Variants in EMSY observed in about 807,000 individuals in gnomAD.
The protein encoded by EMSY is EMSY transcriptional repressor, BRCA2 interacting.
Under a neutral mutation model 134.6 loss-of-function variants are expected in EMSY, and 26 were observed. The observed-to-expected ratio is 0.19, with a 90% CI of 0.14 to 0.27. The LOEUF is 0.27. Ranked by LOEUF, EMSY falls within the 10% of genes least tolerant of loss-of-function variation. The pLI is 1.00. For synonymous variants in EMSY, 579 were observed against 577.8 expected, an observed-to-expected ratio of 1.00 and a Z score of -0.03; for missense variants, 1,305 against 1,611.4, an observed-to-expected ratio of 0.81 and a Z score of 3.26.
At position 76,523,704 on chromosome 11, in the gene EMSY, C is replaced by CTTTTTTTTTTT. The variant is rs746491659; in HGVS notation, c.1821+424_1821+434dup. On this transcript the variant is annotated intron_variant, in intron 12 of 20. Coordinates refer to ENST00000334736, the Ensembl canonical transcript of EMSY. ...TTAATTGATGGGGATTTGTTACTTT[C>CTTTTTTTTTTT]TTTTTTTTTTTTTTTTTTTTTCATT... Among the ~76,000 whole-genome samples the CTTTTTTTTTTT allele has an allele frequency of 2.8e-3, 229 of 80,514 alleles. 2 individuals carry two copies. The highest frequency in any genetic ancestry group is 9.1e-3 in the East Asian group (24 of 2,640). The allele number at this position is 80,514 out of a possible 152,430, so 52.8% of individuals were successfully genotyped here.
At chr11:76,465,799 A>G (rs1017592915) in intron 7 of EMSY, among the ~76,000 whole-genome samples, 1 of 152,216 alleles carries the variant, frequency 6.6e-6, no homozygotes, top group Admixed American at 6.5e-5. Context: ...GGCACTAAAA[A>G]GGTGACAGAA....
At chr11:76,495,578 A>G (rs1949619925) in intron 8 of EMSY, among the ~76,000 whole-genome samples, 1 of 152,192 alleles carries the variant, frequency 6.6e-6, no homozygotes, top group South Asian at 2.1e-4. Context: ...AACCTCATAT[A>G]ATCAGAATCT....
chr11:76,452,016 C>A, intron 3 of EMSY, 59 bp downstream of exon 3: 1 of 1,080,008 alleles, frequency 9.3e-7, no homozygotes. Context: ...GATTTTATTA[C>A]TTATCACTCT....
intron 19 of EMSY, 190 bp downstream of exon 20, chr11:76,545,012 T>C: frequency 1.5e-6 from 1 of 658,906 alleles, no homozygotes; most frequent in Non-Finnish European, 2.5e-6. Context: ...CATTAATATG[T>C]AGGAAGAAAA....
chr11:76,527,095 G>A (rs1950871451), intron 13 of EMSY, among the ~76,000 whole-genome samples: 1 of 152,066 alleles, frequency 6.6e-6, no homozygotes, highest in South Asian at 2.1e-4. Context: ...TAGAAGATAA[G>A]GGAACTTTTC....
chr11:76,537,652 G>C (rs895546643), intron 15 of EMSY, 143 bp from the exon 17 acceptor site: 5 of 684,144 alleles, frequency 7.3e-6, no homozygotes, highest in Non-Finnish European at 7.2e-6. Flanking sequence ...ATAGCAATCT[G>C]CTTTTTTCTT....
intron 1 of EMSY, 140 bp from the exon 2 acceptor site, chr11:76,446,760 G>C (rs1010975262): frequency 3.4e-5 from 19 of 553,162 alleles, no homozygotes; most frequent in Non-Finnish European, 4.8e-5. Flanking sequence ...AAGTTGGAAA[G>C]TGTGGTGGTG....
chr11:76,509,207 T>A (rs1446167719), intron 9 of EMSY, among the ~76,000 whole-genome samples: 7 of 152,104 alleles, frequency 4.6e-5, no homozygotes, highest in Non-Finnish European at 7.4e-5. Flanking sequence ...ATAGACTTAC[T>A]CGACGTGGGG....
chr11:76,542,321 C>T, exon 18 of EMSY: 2 of 1,614,140 alleles, frequency 1.2e-6, no homozygotes, highest in Non-Finnish European at 1.7e-6. Context: ...GTGGTGAAGT[C>T]CATCCCAGCA....
chr11:76,546,327 T>C, intron 20 of EMSY, 30 bp downstream of exon 21: 1 of 1,581,894 alleles, frequency 6.3e-7, no homozygotes, highest in South Asian at 1.2e-5. Flanking sequence ...TGAGAAATCT[T>C]GTGCATCTTG....
At chr11:76,463,846 A>G (rs1948239940) in exon 7 of EMSY, 1 of 1,614,104 alleles carries the variant, frequency 6.2e-7, no homozygotes, top group African/African-American at 1.3e-5. Flanking sequence ...ATGAAGATGA[A>G]AAACCCAGAA....
intron 8 of EMSY, among the ~76,000 whole-genome samples, chr11:76,481,472 C>T (rs1042707530): frequency 9.8e-5 from 15 of 152,308 alleles, no homozygotes; most frequent in South Asian, 6.2e-4. Context: ...ACCCCATGGA[C>T]GCCAGCAAGC....
At chr11:76,546,161 G>T (rs751163897) in exon 20 of EMSY, 29 of 1,614,188 alleles carry the variant, frequency 1.8e-5, no homozygotes, top group Non-Finnish European at 2.4e-5. Context: ...TCCTGTTCGA[G>T]TCCATCCACT....
At chr11:76,445,807 G>T (rs1388921456) in intron 1 of EMSY, among the ~76,000 whole-genome samples, 1 of 152,140 alleles carries the variant, frequency 6.6e-6, no homozygotes, top group Non-Finnish European at 1.5e-5. Context: ...GGAGGGAGAG[G>T]ATTCCTTTGG....
intron 16 of EMSY, among the ~76,000 whole-genome samples, chr11:76,539,105 CA>C (rs1951335608): frequency 6.6e-6 from 1 of 152,020 alleles, no homozygotes; most frequent in Admixed American, 6.5e-5. Flanking sequence ...AGAAATAAAA[CA>C]AGATAGATTG....
At chr11:76,461,957 C>T (rs1433011739) in intron 6 of EMSY, among the ~76,000 whole-genome samples, 1 of 150,112 alleles carries the variant, frequency 6.7e-6, no homozygotes, top group Non-Finnish European at 1.5e-5. Flanking sequence ...AAACACCAGG[C>T]CAGGCATGGT....
At chr11:76,506,154 T>C (rs1199682548) in intron 9 of EMSY, among the ~76,000 whole-genome samples, 1 of 151,900 alleles carries the variant, frequency 6.6e-6, no homozygotes, top group Non-Finnish European at 1.5e-5. Flanking sequence ...ATAAAAAATA[T>C]TCCAGGGCAT....
At chr11:76,521,500 T>A (rs766464751) in intron 11 of EMSY, among the ~76,000 whole-genome samples, 5 of 152,172 alleles carry the variant, frequency 3.3e-5, no homozygotes, top group South Asian at 2.1e-4. Flanking sequence ...TGGTGGCTCA[T>A]GCCTGTAATT....
chr11:76,485,184 C>T (rs947648011), intron 8 of EMSY, among the ~76,000 whole-genome samples: 2 of 152,204 alleles, frequency 1.3e-5, no homozygotes, highest in Non-Finnish European at 2.9e-5. Context: ...GAGACTCCTT[C>T]CTAACTCATT....
Sources: allele counts gnomAD v4.1 joint callset (sites outside exome capture counted in the v4.1 genomes callset), GRCh38; gene constraint gnomAD v4.1.1; transcripts MANE v1.5; gene names NCBI Gene and HGNC (gene_info 2026-07-23, HGNC 2026-07-21).